Variants in PI4KA observed in about 807,000 individuals in gnomAD.
The protein encoded by PI4KA is PI4-kinase alpha.
In PI4KA, 122 loss-of-function variants were observed where a neutral mutation model predicts 271.4. The ratio of observed to expected loss-of-function variants is 0.45; its 90% CI spans 0.39 to 0.52. The LOEUF (loss-of-function observed/expected upper bound fraction) is 0.52. Among genes scored for constraint, PI4KA ranks in the 20% least tolerant of loss-of-function variants. The pLI, the probability that PI4KA is intolerant of heterozygous loss-of-function variation, is 0.00. For missense variants in PI4KA, 1,969 were observed against 2,769.1 expected, an observed-to-expected ratio of 0.71 and a Z score of 6.48; for synonymous variants, 1,041 against 1,078.8, an observed-to-expected ratio of 0.96 and a Z score of 0.69.
At chr22:20,824,184 T>C (rs1923079791) in intron 4 of PI4KA, 142 bp downstream of exon 4, 1 of 689,528 alleles carries the variant, frequency 1.5e-6, no homozygotes, top group East Asian at 2.7e-5. Context: ...AAGCATGTCT[T>C]AGGTCTGCTG....
Position 20,789,443 on chromosome 22 carries a change from C to T in PI4KA, c.2328+3750G>A, listed in dbSNP as rs986642051. Among the ~76,000 whole-genome samples, 4 of 152,346 alleles carry T rather than the reference C, an allele frequency of 2.6e-5. No individual in the cohort carries two copies. In the East Asian group the frequency reaches 5.8e-4, roughly 22 times the overall value. Reference sequence around the variant, plus strand: ...CTCCTGGGTTCAAGCAATTCTCCTGCCTAAGCCTCCCGAGTAGCTGGGACT... The same window carrying T: ...CTCCTGGGTTCAAGCAATTCTCCTGTCTAAGCCTCCCGAGTAGCTGGGACT... On this transcript the variant is annotated intron_variant, in intron 19 of 54. Transcript: ENST00000255882.
At chr22:20,712,834 C>T (rs189674079) in intron 48 of PI4KA, 37 bp from the exon 49 acceptor site, 10 of 1,550,438 alleles carry the variant, frequency 6.4e-6, no homozygotes, top group African/African-American at 5.5e-5. Context: ...GGTCAGTTGG[C>T]GTCCTTGCAC....
rs73877786 is a variant in PI4KA, at chr22:20,785,999, T to C, written c.2328+7194A>G. On this transcript the variant is annotated intron_variant, in intron 19 of 54. Transcript: ENST00000255882. ...AACTGGGCCCCCCTTTCCTTTTCTGTCTAGAACTCGAGAAGTGCTTCTGCC... is the reference window on the plus strand; with the variant it reads ...AACTGGGCCCCCCTTTCCTTTTCTGCCTAGAACTCGAGAAGTGCTTCTGCC... 879 of 1,614,164 alleles carry C rather than the reference T, an allele frequency of 5.4e-4. 5 individuals carry two copies. In the African/African-American group the frequency reaches 0.01, roughly 19 times the overall value.
At chr22:20,789,055 C>G (rs188108272) in intron 19 of PI4KA, among the ~76,000 whole-genome samples, 10 of 152,274 alleles carry the variant, frequency 6.6e-5, no homozygotes, top group African/African-American at 2.4e-4. Context: ...TTCATGTACA[C>G]CCACTCAGAA....
chr22:20,829,025 T>G (rs1923812645), intron 3 of PI4KA, among the ~76,000 whole-genome samples: 1 of 152,230 alleles, frequency 6.6e-6, no homozygotes, highest in Non-Finnish European at 1.5e-5. Flanking sequence ...CTACTTGACC[T>G]GGTGGATTAG....
At position 20,803,290 on chromosome 22, in the gene PI4KA, C is replaced by T; in HGVS notation, c.1492G>A (p.Val498Met). The change falls in exon 13 of 55, where the codon GTG becomes ATG. Residue 498 changes from valine (V) to methionine (M), a missense_variant. Transcript: ENST00000255882. ...GACGGTGTCACAGAGTGCACCACCA[C>T]CGGGAACCTCTCGCACAGGCGGCCC... ...GLGRLCERFP[V>M]VVHSVTPSLR... is the part of the protein sequence containing the mutation. The T allele has an allele frequency of 6.2e-7, 1 of 1,614,160 alleles. No individual in the cohort carries two copies. Among genetic ancestry groups the T allele is most frequent in the Non-Finnish European group, 8.5e-7 (1 of 1,179,996 alleles).
intron 28 of PI4KA, among the ~76,000 whole-genome samples, chr22:20,749,366 T>C (rs955376340): frequency 7.9e-5 from 12 of 152,270 alleles, no homozygotes; most frequent in Admixed American, 3.9e-4. Flanking sequence ...AGGCAATTCT[T>C]TCCTCTCACA....
chr22:20,819,792 G>A lies in PI4KA; in HGVS notation c.638C>T (p.Pro213Leu), dbSNP rs776980460. The A allele has an allele frequency of 1.4e-5, 22 of 1,614,056 alleles. No homozygotes were observed. In the East Asian group the frequency reaches 4.9e-4, roughly 36 times the overall value. Residue 213 changes from proline to leucine, a missense_variant, in exon 6 of 55, where the codon CCT becomes CTT. Physicochemically the swap from Pro to Leu is moderately conservative, Grantham distance 98. This residue lies in a region of PI4KA where 540 missense variants were observed against 555.5 expected (regional missense o/e 0.97). Coordinates refer to ENST00000255882, the MANE Select transcript of PI4KA (RefSeq NM_058004.4). ...SLLSKLFPKI[P>L]PHSLRVLEEL... ...TTCCAGGACACGGAGGGAATGAGGA[G>A]GGATTTTGGGAAAGAGCTTTGAGAG...
chr22:20,779,899 C>T (rs371866990), intron 19 of PI4KA: 85 of 1,614,124 alleles, frequency 5.3e-5, no homozygotes, highest in Non-Finnish European at 6.8e-5. Context: ...TATGAAATCA[C>T]GACCATTCAT....
At chr22:20,760,105 C>T (rs753623110) in intron 23 of PI4KA, among the ~76,000 whole-genome samples, 6 of 152,172 alleles carry the variant, frequency 3.9e-5, no homozygotes, top group Non-Finnish European at 5.9e-5. Flanking sequence ...GCTTCTGGTG[C>T]GGAAAGGACT....
chr22:20,819,524 A>T, intron 6 of PI4KA, 117 bp downstream of exon 6: 1 of 938,652 alleles, frequency 1.1e-6, no homozygotes, highest in Non-Finnish European at 1.6e-6. Context: ...AGAGAATTCT[A>T]GTGAAACATT....
intron 2 of PI4KA, among the ~76,000 whole-genome samples, chr22:20,837,097 T>C (rs1054913273): frequency 6.6e-6 from 1 of 152,152 alleles, no homozygotes; most frequent in Non-Finnish European, 1.5e-5. Flanking sequence ...CATTTATAAA[T>C]AAACAGGCAA....
intron 19 of PI4KA, among the ~76,000 whole-genome samples, chr22:20,781,460 C>A (rs751878670): frequency 6.6e-6 from 1 of 152,196 alleles, no homozygotes; most frequent in Non-Finnish European, 1.5e-5. Context: ...GCAGCCCAGG[C>A]GAAGGAAGGA....
At chr22:20,739,691 C>T (rs959922492) in intron 32 of PI4KA, among the ~76,000 whole-genome samples, 4 of 151,978 alleles carry the variant, frequency 2.6e-5, no homozygotes, top group African/African-American at 9.7e-5. Flanking sequence ...AATAAATATG[C>T]TCAAAGATTT....
Position 20,765,190 on chromosome 22 carries a change from A to C in PI4KA, c.2484T>G (p.Thr828=). Residue 828 remains threonine, a synonymous_variant, in exon 21 of 55, where the codon ACT becomes ACG. Transcript: ENST00000255882. ...TGGGAAAGGTGAGCAAGGGGGACTT[A>C]GTGGCTATTTCACAGACCCCCTCGT... ...EWYEGVCEIA[T]KSPLLTFPSK... 6.2e-7 allele frequency: 1 copy of C among 1,613,754 alleles called. No individual in the cohort carries two copies. Among genetic ancestry groups the C allele is most frequent in the Non-Finnish European group, 8.5e-7 (1 of 1,179,702 alleles).
chr22:20,731,795 A>G (rs546783367), intron 36 of PI4KA, among the ~76,000 whole-genome samples: 8 of 151,870 alleles, frequency 5.3e-5, no homozygotes, highest in South Asian at 4.2e-4. Flanking sequence ...CAGGTGTGGT[A>G]GCGAGCGCCT....
chr22:20,847,909 C>G (rs949778498), intron 1 of PI4KA, among the ~76,000 whole-genome samples: 1 of 151,994 alleles, frequency 6.6e-6, no homozygotes, highest in African/African-American at 2.4e-5. Flanking sequence ...GAAAGACATC[C>G]CATGTTCATA....
chr22:20,782,628 G>A (rs1338645878), intron 19 of PI4KA, among the ~76,000 whole-genome samples: 3 of 152,186 alleles, frequency 2.0e-5, no homozygotes, highest in Non-Finnish European at 4.4e-5. Context: ...CATCCAAACT[G>A]AAAGGGCCGT....
chr22:20,730,080 A>T (rs1368121468), intron 36 of PI4KA, 69 bp from the exon 37 acceptor site: 1 of 1,565,380 alleles, frequency 6.4e-7, no homozygotes, highest in Admixed American at 1.7e-5. Flanking sequence ...AAAATAAACT[A>T]CTATTCACCA....
Sources: gnomAD v4.1 joint callset for allele counts (sites outside exome capture counted in the v4.1 genomes callset) on GRCh38, gnomAD v4.1.1 for gene constraint, gnomAD v4.1.1 regional missense constraint, MANE v1.5 for transcripts, NCBI Gene and HGNC (gene_info 2026-07-23, HGNC 2026-07-21) for gene names.